Variants in EPC1 observed in about 807,000 individuals in gnomAD.
EPC1 encodes enhancer of polycomb homolog 1.
In EPC1, 12 loss-of-function variants were observed where a neutral mutation model predicts 98.4. The observed-to-expected ratio is 0.12, with a 90% confidence interval of 0.08 to 0.20. EPC1 has a LOEUF of 0.20. Among genes scored for constraint, EPC1 ranks in the 10% least tolerant of loss-of-function variants. EPC1 has a pLI of 1.00. For synonymous variants in EPC1, 357 were observed against 363.9 expected, an observed-to-expected ratio of 0.98 and a Z score of 0.21; for missense variants, 729 against 990.5, an observed-to-expected ratio of 0.74 and a Z score of 3.54.
At chr10:32,326,997 CA>C (rs139000044) in intron 1 of EPC1, among the ~76,000 whole-genome samples, 1,626 of 75,410 alleles carry the variant, frequency 0.022, 24 homozygotes, top group African/African-American at 0.061. Flanking sequence ...AGAGGGTCCT[CA>C]AAAAAAAAAA....
chr10:32,345,926 T>C (rs936511828), intron 1 of EPC1, among the ~76,000 whole-genome samples: 3 of 152,278 alleles, frequency 2.0e-5, no homozygotes, highest in South Asian at 4.1e-4. Context: ...ATTTTACAAA[T>C]AGGTAAGGTT....
intron 9 of EPC1, 54 bp from the exon 10 acceptor site, chr10:32,285,104 T>C: frequency 4.2e-6 from 6 of 1,422,956 alleles, no homozygotes; most frequent in Non-Finnish European, 5.8e-6. Flanking sequence ...TCAAAGATTA[T>C]ATATTAAAGC....
chr10:32,377,227 A>G (rs944637127), intron 1 of EPC1: 2 of 152,236 alleles, frequency 1.3e-5, no homozygotes, highest in African/African-American at 4.8e-5. Context: ...TCATTTCAAA[A>G]TGAAACAAAC....
chr10:32,274,045 AAAAC>A (rs1469528181), intron 10 of EPC1: 1 of 152,062 alleles, frequency 6.6e-6, no homozygotes, highest in Non-Finnish European at 1.5e-5. Context: ...AGTTCTAAAA[AAAAC>A]AAACAAAAAA....
chr10:32,326,287 A>G (rs1214518276), intron 1 of EPC1, among the ~76,000 whole-genome samples: 6 of 152,106 alleles, frequency 3.9e-5, no homozygotes, highest in African/African-American at 1.4e-4. Context: ...ATTCTGGCCA[A>G]TTGTAAGTCA....
At chr10:32,337,952 T>C (rs1838077560) in intron 1 of EPC1, among the ~76,000 whole-genome samples, 1 of 152,254 alleles carries the variant, frequency 6.6e-6, no homozygotes, top group Non-Finnish European at 1.5e-5. Context: ...ATTCTAAAAA[T>C]GAAGAAAATC....
chr10:32,311,250 T>A (rs536203843), intron 1 of EPC1, among the ~76,000 whole-genome samples: 1 of 151,740 alleles, frequency 6.6e-6, no homozygotes, highest in East Asian at 1.9e-4. Flanking sequence ...GAGGCGGAAC[T>A]TGCAGTGAGC....
intron 6 of EPC1, among the ~76,000 whole-genome samples, chr10:32,290,579 G>A (rs912675721): frequency 1.6e-4 from 24 of 148,800 alleles, no homozygotes; most frequent in Admixed American, 5.4e-4. Flanking sequence ...TATTTTGTAT[G>A]AATTATTTCA....
intron 2 of EPC1, among the ~76,000 whole-genome samples, chr10:32,301,882 C>T (rs539799305): frequency 4.7e-4 from 71 of 151,918 alleles, no homozygotes; most frequent in Admixed American, 9.2e-4. Context: ...GGATCCATTA[C>T]GAGGAAAATT....
chr10:32,323,338 A>G (rs1023900006), intron 1 of EPC1, among the ~76,000 whole-genome samples: 2 of 152,162 alleles, frequency 1.3e-5, no homozygotes, highest in Non-Finnish European at 2.9e-5. Context: ...GACTTTGACA[A>G]TCTCAAAACT....
At chr10:32,316,523 T>C (rs1836556213) in intron 1 of EPC1, among the ~76,000 whole-genome samples, 1 of 152,118 alleles carries the variant, frequency 6.6e-6, no homozygotes, top group African/African-American at 2.4e-5. Flanking sequence ...TGCAACAACA[T>C]GGGTAAATCT....
At chr10:32,298,069 T>A (rs1187737532) in intron 2 of EPC1, among the ~76,000 whole-genome samples, 2 of 152,178 alleles carry the variant, frequency 1.3e-5, no homozygotes, top group Non-Finnish European at 2.9e-5. Flanking sequence ...AGGGCTGGGA[T>A]TACAGGCGTG....
intron 1 of EPC1, chr10:32,374,591 C>T (rs752119235): frequency 6.6e-6 from 1 of 152,176 alleles, no homozygotes; most frequent in Admixed American, 6.5e-5. Flanking sequence ...TATGTGAGTA[C>T]TTGATGCCCG....
At chr10:32,342,256 A>G (rs1838411406) in intron 1 of EPC1, among the ~76,000 whole-genome samples, 1 of 152,222 alleles carries the variant, frequency 6.6e-6, no homozygotes, top group Non-Finnish European at 1.5e-5. Context: ...ATTGATCTTT[A>G]CAGCTCCAGA....
At chr10:32,283,686 A>G (rs998862350) in intron 10 of EPC1, 6 of 152,144 alleles carry the variant, frequency 3.9e-5, no homozygotes, top group African/African-American at 1.4e-4. Context: ...AACATACAAA[A>G]CATGTATGTT....
At chr10:32,360,402 CA>C (rs979016013) in intron 1 of EPC1, among the ~76,000 whole-genome samples, 3 of 152,164 alleles carry the variant, frequency 2.0e-5, no homozygotes, top group Non-Finnish European at 4.4e-5. Context: ...CCTCTTTGCA[CA>C]GGTTGCTACT....
At chr10:32,304,005 T>C (rs1248365059) in intron 2 of EPC1, among the ~76,000 whole-genome samples, 1 of 152,250 alleles carries the variant, frequency 6.6e-6, no homozygotes, top group Non-Finnish European at 1.5e-5. Context: ...TTCCAAAGTA[T>C]ACATCTTTCC....
At chr10:32,376,291 C>T (rs549065400) in intron 1 of EPC1, among the ~76,000 whole-genome samples, 4 of 152,124 alleles carry the variant, frequency 2.6e-5, no homozygotes, top group Admixed American at 1.3e-4. Context: ...ACCTTATATA[C>T]ACATGTTTAG....
At position 32,298,512 on chromosome 10, in the gene EPC1, T is replaced by C. The variant is rs554360914; in HGVS notation, c.314-4775A>G. ...CACTAACTGCATGATTAATAATATCTACTTGCAAAGCTCTTGATATCAATT... is the reference window on the plus strand; with the variant it reads ...CACTAACTGCATGATTAATAATATCCACTTGCAAAGCTCTTGATATCAATT... On this transcript the variant is annotated intron_variant, in intron 2 of 13. Transcript: ENST00000319778. Among the ~76,000 whole-genome samples, 6 of 152,300 alleles carry C rather than the reference T, an allele frequency of 3.9e-5. No individual in the cohort carries two copies. In the East Asian group the frequency reaches 7.7e-4, roughly 20 times the overall value.
Sources: allele counts gnomAD v4.1 joint callset (sites outside exome capture counted in the v4.1 genomes callset), GRCh38; gene constraint gnomAD v4.1.1; transcripts MANE v1.5; gene names NCBI Gene and HGNC (gene_info 2026-07-23, HGNC 2026-07-21).